The following DOCK7 variants were observed in gnomAD, a reference collection of about 807,000 sequenced individuals.
DOCK7 encodes the protein dedicator of cytokinesis protein 7.
DOCK7 carries 138 observed loss-of-function variants against 271.0 expected under a neutral mutation model. The observed-to-expected ratio is 0.51, with a 90% CI of 0.44 to 0.59. The LOEUF is 0.59. DOCK7 is among the 20% of genes least tolerant of loss of function. DOCK7 has a pLI of 0.00. For missense variants in DOCK7, 2,066 were observed against 2,592.4 expected (o/e 0.80, Z 4.41); for synonymous variants, 823 against 876.1 (o/e 0.94, Z 1.07).
At chr1:62,542,366 C>G (rs573461473) in intron 25 of DOCK7, among the ~76,000 whole-genome samples, 2 of 152,220 alleles carry the variant, frequency 1.3e-5, no homozygotes, top group African/African-American at 4.8e-5. Context: ...ATATAGCTAG[C>G]TTATGCAACC....
At chr1:62,457,243 G>C (rs1571159141) in intron 49 of DOCK7, among the ~76,000 whole-genome samples, 1 of 152,166 alleles carries the variant, frequency 6.6e-6, no homozygotes, top group South Asian at 2.1e-4. Context: ...AATGATTATA[G>C]ATGATACAGG....
rs145715509 is a variant in DOCK7 at position 62,468,600 on chromosome 1, A to G, written c.6212+5382T>C. Among the ~76,000 whole-genome samples, 67 of 152,252 alleles carry G rather than the reference A, an allele frequency of 4.4e-4. No individual in the cohort carries two copies. In the East Asian group the frequency reaches 0.011, roughly 25 times the overall value. ...AGAGAAAGAAATAAAGCAAATCCAA[A>G]TCGGTAAAGATGAAGTCAAGCTGTC... is the stretch of plus-strand genomic sequence containing the variant. On this transcript the variant is annotated intron_variant, in intron 48 of 49. Coordinates refer to ENST00000635253, the MANE Select transcript of DOCK7 (RefSeq NM_001367561.1).
At chr1:62,572,788 AT>A (rs986704058) in intron 18 of DOCK7, among the ~76,000 whole-genome samples, 1 of 152,122 alleles carries the variant, frequency 6.6e-6, no homozygotes, top group Non-Finnish European at 1.5e-5. Context: ...TCAACATATG[AT>A]TTTTTGGGGG....
chr1:62,489,149 T>C (rs1160972341), intron 41 of DOCK7, 84 bp from the exon 42 acceptor site: 22 of 1,328,828 alleles, frequency 1.7e-5, no homozygotes, highest in Non-Finnish European at 2.2e-5. Context: ...GCAATATTTC[T>C]ATTAAGATAA....
chr1:62,684,010 C>T (rs1038772817), intron 1 of DOCK7, among the ~76,000 whole-genome samples: 8 of 151,970 alleles, frequency 5.3e-5, no homozygotes, highest in African/African-American at 7.2e-5. Context: ...GAGGCCAAGG[C>T]GGGTGAATCA....
intron 16 of DOCK7, 70 bp downstream of exon 16, chr1:62,583,114 A>T: frequency 7.9e-7 from 1 of 1,258,766 alleles, no homozygotes; most frequent in Non-Finnish European, 1.1e-6. Context: ...TTTGGTAAAC[A>T]CACTAATGTG....
At chr1:62,495,213 T>C (rs1253731935) in intron 39 of DOCK7, 1 of 155,096 alleles carries the variant, frequency 6.4e-6, no homozygotes, top group Non-Finnish European at 1.4e-5. Context: ...TAAGTACATT[T>C]GCATTGTTCT....
At position 62,505,788 on chromosome 1, in the gene DOCK7, C is replaced by T. The variant is rs746141292; in HGVS notation, c.4505G>A (p.Ser1502Asn). Residue 1502 changes from serine to asparagine, a missense_variant, in exon 36 of 50, where the codon AGC becomes AAC. Ser to Asn is a conservative substitution (Grantham distance 46, BLOSUM62 1). Transcript: ENST00000635253. ...CACTTTTAGCACTCCACCAAGAATG[C>T]TCTCTTTGGATTCCGTTACAGAAAC... ...QTVSVTESKE[S>N]ILGGVLKVLL... 6.2e-7 allele frequency: 1 copy of T among 1,612,122 alleles called. No individual in the cohort carries two copies.
chr1:62,528,171 T>C lies in DOCK7; in HGVS notation c.3916A>G (p.Ser1306Gly), dbSNP rs1553163131. The change falls in exon 31 of 50, where the codon AGT becomes GGT. Residue 1306 changes from serine to glycine, a missense_variant. Physicochemically the swap from Ser to Gly is moderately conservative, Grantham distance 56. Around this residue, in one of 2 missense-constraint regions of DOCK7, gnomAD observed 1,414 missense variants for 1,670.4 expected, o/e 0.85. Transcript: ENST00000635253. ...TTTACCGTTGACGTGAGGAGGAAAC[T>C]GCCAGGCCTTGTTAGTTGAGGGACC... ...TSVPQLTRPG[S>G]FLLTSTSGRQ... The C allele has an allele frequency of 1.2e-6, 2 of 1,612,324 alleles. No homozygotes were observed. The highest frequency in any genetic ancestry group is 1.1e-5 in the South Asian group (1 of 90,596).
chr1:62,559,124 A>T lies in DOCK7; in HGVS notation c.2296T>A (p.Leu766Ile), dbSNP rs776380692. 6.2e-7 allele frequency: 1 copy of T among 1,613,880 alleles called. No homozygotes were observed. The change falls in exon 20 of 50, where the codon TTA becomes ATA. Residue 766 changes from leucine (L) to isoleucine (I), a missense_variant. By Grantham distance (5) the Leu-to-Ile change is conservative. Transcript: ENST00000635253. ...IGDMRIMENN[L>I]ENELKSSISA... ...ATACTGCTCTTCAATTCATTTTCTA[A>T]GTTATTTTCCATGATTCGCATGTCC...
At chr1:62,568,467 ATTTTTT>A (rs35786798) in intron 18 of DOCK7, among the ~76,000 whole-genome samples, 1 of 140,516 alleles carries the variant, frequency 7.1e-6, no homozygotes, top group Admixed American at 7.2e-5. Context: ...TGCCAGGCTA[ATTTTTT>A]TTTTTTTTTT....
intron 7 of DOCK7, 62 bp from the exon 8 acceptor site, chr1:62,636,665 AATTG>A (rs2149642174): frequency 1.5e-6 from 2 of 1,360,474 alleles, no homozygotes; most frequent in African/African-American, 2.9e-5. Context: ...GTTGGAGAGA[AATTG>A]ATTCCAAAAC....
intron 31 of DOCK7, among the ~76,000 whole-genome samples, chr1:62,524,649 G>C (rs1644945197): frequency 6.6e-6 from 1 of 151,938 alleles, no homozygotes; most frequent in Non-Finnish European, 1.5e-5. Context: ...TATGATCCCA[G>C]CACTTTGGGA....
At chr1:62,652,038 C>A (rs758583185) in intron 4 of DOCK7, among the ~76,000 whole-genome samples, 5 of 152,182 alleles carry the variant, frequency 3.3e-5, no homozygotes, top group Admixed American at 1.3e-4. Context: ...TCACCCTGGG[C>A]GCTATTCTAT....
chr1:62,531,385 G>A (rs987084057), intron 29 of DOCK7, among the ~76,000 whole-genome samples: 15 of 152,136 alleles, frequency 9.9e-5, no homozygotes, highest in Non-Finnish European at 2.1e-4. Context: ...TATTCTAGAT[G>A]TTGAAGATAA....
intron 2 of DOCK7, among the ~76,000 whole-genome samples, chr1:62,656,800 G>A (rs956895919): frequency 5.3e-5 from 8 of 149,980 alleles, no homozygotes; most frequent in African/African-American, 2.0e-4. Flanking sequence ...GGGTGGGAGG[G>A]CCGGGGGGTG....
chr1:62,595,571 C>T (rs17123721), intron 14 of DOCK7, among the ~76,000 whole-genome samples: 5,535 of 152,116 alleles, frequency 0.036, 248 homozygotes, highest in African/African-American at 0.11. Context: ...TACCCAAAAC[C>T]CTTAATCCTA....
At chr1:62,465,381 A>G (rs562243901) in intron 48 of DOCK7, among the ~76,000 whole-genome samples, 1 of 152,210 alleles carries the variant, frequency 6.6e-6, no homozygotes, top group East Asian at 1.9e-4. Context: ...AAAAAGTTAC[A>G]TTACAGGAAA....
At chr1:62,598,293 A>T (rs141806950) in intron 14 of DOCK7, among the ~76,000 whole-genome samples, 2 of 152,090 alleles carry the variant, frequency 1.3e-5, no homozygotes, top group African/African-American at 4.8e-5. Context: ...TATGAAAATT[A>T]CAAATCGGTT....
Sources: gnomAD v4.1 joint callset for allele counts (sites outside exome capture counted in the v4.1 genomes callset) on GRCh38, gnomAD v4.1.1 for gene constraint, gnomAD v4.1.1 regional missense constraint, MANE v1.5 for transcripts, NCBI Gene and HGNC (gene_info 2026-07-23, HGNC 2026-07-21) for gene names.